Variants in RGSL1 observed in about 807,000 individuals in gnomAD.
RGSL1 encodes the protein regulator of G protein signaling protein-like.
RGSL1 carries 97 observed loss-of-function variants against 124.7 expected under a neutral mutation model. That is an observed-to-expected ratio of 0.78 (90% CI 0.66 to 0.92). The LOEUF (loss-of-function observed/expected upper bound fraction) is 0.92. Among genes scored for constraint, RGSL1 ranks in the 40% least tolerant of loss-of-function variants. The probability of loss-of-function intolerance (pLI) is 0.00; values close to 1 mark genes in which losing one functional copy is unlikely to be tolerated. For synonymous variants in RGSL1, 424 were observed against 438.1 expected (o/e 0.97, Z 0.40); for missense variants, 1,233 against 1,288.4 (o/e 0.96, Z 0.66).
At chr1:182,484,754 G>C (rs1475752281) in intron 6 of RGSL1, among the ~76,000 whole-genome samples, 2 of 152,200 alleles carry the variant, frequency 1.3e-5, no homozygotes, top group Non-Finnish European at 2.9e-5. Flanking sequence ...AGGGAGTGTA[G>C]AGCTTAATGT....
intron 9 of RGSL1, among the ~76,000 whole-genome samples, chr1:182,497,722 A>G (rs1239291552): frequency 6.6e-6 from 1 of 152,144 alleles, no homozygotes; most frequent in African/African-American, 2.4e-5. Flanking sequence ...TATCCTTGAC[A>G]CTTTTGAAGA....
At chr1:182,554,868 GT>G (rs1267251417) in intron 20 of RGSL1, 175 bp downstream of exon 20, 3 of 631,418 alleles carry the variant, frequency 4.8e-6, no homozygotes, top group Non-Finnish European at 5.5e-6. Flanking sequence ...GTGTTTCTCT[GT>G]GGGGGTCCTT....
intron 9 of RGSL1, among the ~76,000 whole-genome samples, chr1:182,494,667 C>G (rs934419838): frequency 6.6e-6 from 1 of 152,106 alleles, no homozygotes; most frequent in African/African-American, 2.4e-5. Flanking sequence ...TTCATTGGTA[C>G]CTGGGCCCAT....
At chr1:182,503,380 A>AT (rs1473113521) in intron 9 of RGSL1, among the ~76,000 whole-genome samples, 1 of 152,166 alleles carries the variant, frequency 6.6e-6, no homozygotes, top group Non-Finnish European at 1.5e-5. Context: ...ACACAATGGA[A>AT]TACTATTCAG....
At chr1:182,547,676 A>G (rs889499094) in intron 15 of RGSL1, among the ~76,000 whole-genome samples, 3 of 152,144 alleles carry the variant, frequency 2.0e-5, no homozygotes, top group African/African-American at 7.2e-5. Context: ...CCTGGGTAAC[A>G]TGGTGAAATC....
At chr1:182,466,389 G>T (rs886786218) in intron 4 of RGSL1, among the ~76,000 whole-genome samples, 4 of 152,100 alleles carry the variant, frequency 2.6e-5, no homozygotes, top group African/African-American at 9.7e-5. Flanking sequence ...ATCTTCATTT[G>T]CAGATAATGT....
intron 9 of RGSL1, among the ~76,000 whole-genome samples, chr1:182,498,546 A>G (rs1261317500): frequency 1.3e-5 from 2 of 152,196 alleles, no homozygotes; most frequent in African/African-American, 2.4e-5. Flanking sequence ...CCTGGGTTTC[A>G]AAGAATTTCT....
At chr1:182,524,705 T>C (rs994006401) in intron 10 of RGSL1, among the ~76,000 whole-genome samples, 2 of 152,196 alleles carry the variant, frequency 1.3e-5, no homozygotes, top group East Asian at 3.8e-4. Context: ...CAGAGGGCAC[T>C]GATATGGTTT....
intron 20 of RGSL1, 104 bp downstream of exon 20, chr1:182,554,797 C>T (rs1465900816): frequency 1.8e-6 from 2 of 1,116,718 alleles, no homozygotes; most frequent in Non-Finnish European, 2.6e-6. Flanking sequence ...CATACCCTGC[C>T]TCTCCTTGGC....
At position 182,551,417 on chromosome 1, in the gene RGSL1, C is replaced by T. The variant is rs576620992; in HGVS notation, c.3043+208C>T. On this transcript the variant is annotated intron_variant, in intron 18 of 21. Transcript: ENST00000294854. ...AGCAGTGCTAGCAGAGGGTACCTCT[C>T]CCTAGCAATAACTCCAGGACGCCTC... 2.0e-4 allele frequency among the ~76,000 whole-genome samples: 30 copies of T among 152,296 alleles called. 1 individual carries two copies. In the South Asian group the frequency reaches 3.7e-3, roughly 19 times the overall value.
intron 20 of RGSL1, 49 bp downstream of exon 20, chr1:182,554,742 C>T (rs777080828): frequency 6.6e-7 from 1 of 1,516,846 alleles, no homozygotes; most frequent in South Asian, 1.2e-5. Flanking sequence ...CTGCTATGTC[C>T]AAGCATGCAA....
chr1:182,553,588 G>A, intron 19 of RGSL1, 47 bp downstream of exon 19: 1 of 1,513,170 alleles, frequency 6.6e-7, no homozygotes, highest in Non-Finnish European at 9.0e-7. Context: ...CTCAATCAGA[G>A]GGGGACTTTA....
intron 1 of RGSL1, 103 bp downstream of exon 1, chr1:182,450,281 A>G: frequency 7.5e-7 from 1 of 1,339,334 alleles, no homozygotes; most frequent in Non-Finnish European, 1.0e-6. Context: ...CAGGGGCACC[A>G]TGGGTGACTT....
chr1:182,470,354 T>C (rs939981068), intron 4 of RGSL1, among the ~76,000 whole-genome samples: 4 of 152,046 alleles, frequency 2.6e-5, no homozygotes, highest in African/African-American at 9.7e-5. Flanking sequence ...ATTTCCTCTC[T>C]TATCTCATCT....
At chr1:182,520,400 T>G (rs1658246481) in intron 9 of RGSL1, among the ~76,000 whole-genome samples, 1 of 152,186 alleles carries the variant, frequency 6.6e-6, no homozygotes, top group South Asian at 2.1e-4. Flanking sequence ...GCAATTTGTT[T>G]ACATAATTGT....
At chr1:182,521,152 C>T (rs1203213625) in intron 9 of RGSL1, among the ~76,000 whole-genome samples, 1 of 152,150 alleles carries the variant, frequency 6.6e-6, no homozygotes, top group Admixed American at 6.5e-5. Context: ...TCACTGTAGC[C>T]TCAAACTCCT....
At chr1:182,557,627 T>A (rs187328598) in intron 21 of RGSL1, among the ~76,000 whole-genome samples, 2 of 152,204 alleles carry the variant, frequency 1.3e-5, no homozygotes, top group African/African-American at 2.4e-5. Flanking sequence ...AACTTAGATC[T>A]TTGCCCCATC....
chr1:182,530,160 T>TTA, intron 11 of RGSL1, 84 bp from the exon 12 acceptor site: 1 of 778,996 alleles, frequency 1.3e-6, no homozygotes, highest in Non-Finnish European at 1.9e-6. Context: ...GACTCTAAGA[T>TTA]AAAAAAAAAA....
chr1:182,537,716 A>G (rs960552082), intron 14 of RGSL1, among the ~76,000 whole-genome samples: 13 of 152,122 alleles, frequency 8.5e-5, no homozygotes, highest in Admixed American at 8.5e-4. Context: ...CTCATAAATT[A>G]TGAGTTTTTC....
Sources: allele counts gnomAD v4.1 joint callset (sites outside exome capture counted in the v4.1 genomes callset), GRCh38; gene constraint gnomAD v4.1.1; transcripts MANE v1.5; gene names NCBI Gene and HGNC (gene_info 2026-07-23, HGNC 2026-07-21).